Variants in LSAMP observed in about 807,000 individuals in gnomAD.
LSAMP encodes limbic system associated membrane protein, also known as limbic system-associated membrane protein.
LSAMP carries 7 observed loss-of-function variants against 38.6 expected under a neutral mutation model. The observed-to-expected ratio is 0.18, with a 90% confidence interval of 0.10 to 0.34. The LOEUF (loss-of-function observed/expected upper bound fraction) is 0.34, where lower values mean the gene tolerates loss of function less well. Ranked by LOEUF, LSAMP falls within the 10% of genes least tolerant of loss-of-function variation. The pLI, the probability that LSAMP is intolerant of heterozygous loss-of-function variation, is 1.00. For synonymous variants in LSAMP, 154 were observed against 166.8 expected, an observed-to-expected ratio of 0.92 and a Z score of 0.59; for missense variants, 313 against 420.0, an observed-to-expected ratio of 0.75 and a Z score of 2.23.
At chr3:116,086,672 T>C in intron 1 of LSAMP, 116 bp from the exon 2 acceptor site, 1 of 762,116 alleles carries the variant, frequency 1.3e-6, no homozygotes, top group Admixed American at 2.4e-5. Flanking sequence ...GCAGAATGAA[T>C]TATTGCCATG....
chr3:116,444,811 AACACACACAC>A lies in LSAMP; in HGVS notation c.155+56_155+65del, dbSNP rs59857062. 5.6e-6 allele frequency: 4 copies of A among 713,806 alleles called. No homozygotes were observed. In the Admixed American group the frequency reaches 1.7e-4, roughly 30 times the overall value. The allele number at this position is 713,806 out of a possible 1,614,324, so 44.2% of individuals were successfully genotyped here. On this transcript the variant is annotated intron_variant, in intron 1 of 6. Coordinates refer to ENST00000490035, the MANE Select transcript of LSAMP (RefSeq NM_002338.5). Reference sequence around the variant, plus strand: ...AGACACACACACACACACACACACAAACACACACACACACACACACACACGTGTAGACGCG... The same window carrying A: ...AGACACACACACACACACACACACAAACACACACACACACGTGTAGACGCG...
intron 1 of LSAMP, among the ~76,000 whole-genome samples, chr3:116,403,970 C>T (rs1304436192): frequency 2.0e-5 from 3 of 151,638 alleles, no homozygotes; most frequent in Non-Finnish European, 1.5e-5. Flanking sequence ...CCCTATATTG[C>T]CCAGGCTGGT....
intron 1 of LSAMP, among the ~76,000 whole-genome samples, chr3:116,399,563 C>T (rs1266423439): frequency 6.6e-6 from 1 of 152,016 alleles, no homozygotes; most frequent in Non-Finnish European, 1.5e-5. Flanking sequence ...CAAAAGTGGG[C>T]AATATAGAGA....
chr3:116,406,386 T>C (rs2048897808), intron 1 of LSAMP, among the ~76,000 whole-genome samples: 2 of 152,114 alleles, frequency 1.3e-5, no homozygotes, highest in Admixed American at 1.3e-4. Context: ...AGCTTTATCA[T>C]CAAAGAGTTT....
At chr3:116,154,703 C>T (rs1402624305) in intron 1 of LSAMP, among the ~76,000 whole-genome samples, 2 of 152,094 alleles carry the variant, frequency 1.3e-5, no homozygotes, top group Non-Finnish European at 2.9e-5. Flanking sequence ...TATCCTTCCC[C>T]CATCCCTACT....
intron 1 of LSAMP, among the ~76,000 whole-genome samples, chr3:116,418,219 C>T (rs536740282): frequency 1.3e-5 from 2 of 152,262 alleles, no homozygotes; most frequent in South Asian, 4.1e-4. Context: ...GCAAACCTTC[C>T]CAATCCAATC....
intron 1 of LSAMP, among the ~76,000 whole-genome samples, chr3:116,250,604 G>C (rs574791395): frequency 6.6e-6 from 1 of 151,696 alleles, no homozygotes; most frequent in Admixed American, 6.6e-5. Flanking sequence ...GCTTAGGCCT[G>C]TAATCCCAGC....
intron 1 of LSAMP, among the ~76,000 whole-genome samples, chr3:116,400,332 G>A (rs2048821984): frequency 6.6e-6 from 1 of 151,866 alleles, no homozygotes; most frequent in East Asian, 1.9e-4. Context: ...ACCACTTTGA[G>A]CCAAGTTTGA....
At chr3:115,864,636 C>T (rs1935806507) in intron 3 of LSAMP, among the ~76,000 whole-genome samples, 1 of 152,146 alleles carries the variant, frequency 6.6e-6, no homozygotes, top group South Asian at 2.1e-4. Flanking sequence ...TCCCTCAGCC[C>T]AGGAAACACT....
intron 1 of LSAMP, among the ~76,000 whole-genome samples, chr3:116,157,322 G>A (rs1490014769): frequency 6.6e-6 from 1 of 152,078 alleles, no homozygotes; most frequent in African/African-American, 2.4e-5. Context: ...AAAAGGAAAA[G>A]GGGCATTTCT....
At chr3:116,164,375 A>G (rs929008320) in intron 1 of LSAMP, among the ~76,000 whole-genome samples, 4 of 151,412 alleles carry the variant, frequency 2.6e-5, no homozygotes, top group Admixed American at 6.6e-5. Flanking sequence ...TGTGCCAAAT[A>G]CTAAATAAAA....
intron 1 of LSAMP, among the ~76,000 whole-genome samples, chr3:116,382,144 C>T (rs998590383): frequency 1.3e-5 from 2 of 152,052 alleles, no homozygotes; most frequent in Non-Finnish European, 2.9e-5. Context: ...ACCCAGCCAT[C>T]CCATTACTGG....
At chr3:116,424,446 G>A (rs1312601578) in intron 1 of LSAMP, among the ~76,000 whole-genome samples, 1 of 152,098 alleles carries the variant, frequency 6.6e-6, no homozygotes, top group African/African-American at 2.4e-5. Context: ...TCTCCAAGGG[G>A]CAATTATTGA....
At chr3:115,958,105 T>C (rs1938509617) in intron 3 of LSAMP, among the ~76,000 whole-genome samples, 1 of 152,136 alleles carries the variant, frequency 6.6e-6, no homozygotes, top group Admixed American at 6.6e-5. Context: ...CACACACACA[T>C]ACATACGCAC....
intron 1 of LSAMP, among the ~76,000 whole-genome samples, chr3:116,250,231 T>C (rs1237910316): frequency 1.3e-5 from 2 of 152,242 alleles, no homozygotes; most frequent in Non-Finnish European, 1.5e-5. Context: ...CATTGTATTG[T>C]TATCTTTCCT....
intron 2 of LSAMP, among the ~76,000 whole-genome samples, chr3:116,069,477 T>C (rs1371192187): frequency 6.6e-6 from 1 of 152,154 alleles, no homozygotes; most frequent in Non-Finnish European, 1.5e-5. Flanking sequence ...ATGACAGAGC[T>C]ATATGTCATA....
chr3:115,887,934 A>T (rs986169030), intron 3 of LSAMP, among the ~76,000 whole-genome samples: 1 of 151,922 alleles, frequency 6.6e-6, no homozygotes, highest in Non-Finnish European at 1.5e-5. Context: ...TTACCATTAA[A>T]TATAAAATCA....
intron 1 of LSAMP, among the ~76,000 whole-genome samples, chr3:116,175,124 G>A (rs1710305388): frequency 6.6e-6 from 1 of 151,064 alleles, no homozygotes; most frequent in Non-Finnish European, 1.5e-5. Context: ...CACTCATCCT[G>A]AGACAGCTAG....
chr3:116,007,849 A>G (rs1940206515), intron 3 of LSAMP, among the ~76,000 whole-genome samples: 1 of 152,138 alleles, frequency 6.6e-6, no homozygotes, highest in African/African-American at 2.4e-5. Context: ...GAATCACCTG[A>G]AGGGCATGTT....
Sources: allele counts gnomAD v4.1 joint callset (sites outside exome capture counted in the v4.1 genomes callset), GRCh38; gene constraint gnomAD v4.1.1; transcripts MANE v1.5; gene names NCBI Gene and HGNC (gene_info 2026-07-23, HGNC 2026-07-21).